Variants in PIM1 observed in about 807,000 individuals in gnomAD.
The protein encoded by PIM1 is Pim-1 proto-oncogene, serine/threonine kinase, also known as serine/threonine-protein kinase pim-1.
In PIM1, 9 loss-of-function variants were observed where a neutral mutation model predicts 34.5. The ratio of observed to expected loss-of-function variants is 0.26; its 90% CI spans 0.16 to 0.46. The LOEUF (loss-of-function observed/expected upper bound fraction) is 0.46. PIM1 is among the 20% of genes least tolerant of loss of function. The probability of loss-of-function intolerance (pLI) is 1.00; values close to 1 mark genes in which losing one functional copy is unlikely to be tolerated. For synonymous variants in PIM1, 199 were observed against 175.2 expected (o/e 1.14, Z -1.07); for missense variants, 274 against 410.9 (o/e 0.67, Z 2.88).
At chr6:37,171,522 G>A (rs1762285784) in intron 4 of PIM1, 31 bp downstream of exon 4, 6 of 1,606,580 alleles carry the variant, frequency 3.7e-6, no homozygotes, top group Non-Finnish European at 5.1e-6. Flanking sequence ...AGCTGCCCAG[G>A]TGACTCGGCC....
chr6:37,174,028 TCTC>T lies in PIM1; in HGVS notation c.882_884del (p.Leu295del), dbSNP rs777730711. 5.1e-5 allele frequency: 82 copies of T among 1,613,998 alleles called. No homozygotes were observed. Among genetic ancestry groups the T allele is most frequent in the Non-Finnish European group, 6.1e-5 (72 of 1,179,974 alleles). Reference sequence around the variant, plus strand: ...AGAACCATCCATGGATGCAAGATGTTCTCCTGCCCCAGGAAACTGCTGAGATCC... The same window carrying T: ...AGAACCATCCATGGATGCAAGATGTTCTGCCCCAGGAAACTGCTGAGATCC... On this transcript the variant is annotated inframe_deletion, in exon 6 of 6. Transcript: ENST00000373509.
At chr6:37,173,194 C>A in intron 5 of PIM1, 22 bp downstream of exon 5, 1 of 1,610,780 alleles carries the variant, frequency 6.2e-7, no homozygotes, top group Non-Finnish European at 8.5e-7. Flanking sequence ...AAACCCCTGG[C>A]CATGGGGTTA....
In PIM1 at chr6:37,170,875, T is replaced by C; in HGVS notation, c.185T>C (p.Leu62Ser). The C allele has an allele frequency of 6.2e-7, 1 of 1,612,440 alleles. No homozygotes were observed. The highest frequency in any genetic ancestry group is 8.5e-7 in the Non-Finnish European group (1 of 1,179,266). The change falls in exon 2 of 6, where the codon TTG (leucine) becomes TCG (serine). Residue 62 changes from leucine to serine, a missense_variant. By Grantham distance (145) the Leu-to-Ser change is moderately radical. Transcript: ENST00000373509. ...TCAGGCATCCGCGTCTCCGACAACT[T>C]GCCGGTGAGTGGGCGCCCCGCGGTG... is the stretch of plus-strand genomic sequence containing the variant. ...VYSGIRVSDN[L>S]PVAIKHVEKD... is the part of the protein sequence containing the mutation.
rs1211649501 is a variant in PIM1 at position 37,174,314 on chromosome 6, T to C, written c.*223T>C. 5 of 336,588 alleles carry C rather than the reference T, an allele frequency of 1.5e-5. No individual in the cohort carries two copies. The highest frequency in any genetic ancestry group is 2.7e-5 in the Non-Finnish European group (5 of 185,122). 20.9% of individuals were successfully genotyped at this position (336,588 alleles called of 1,614,324 possible). A position where few individuals can be genotyped will look rare whatever the true frequency, so the allele number is the denominator to read the frequency against. ...GGGTCCTAGGCCTCAACTCCTCCCA[T>C]AGATACTCTCTTCTTCTCATAGGTG... On this transcript the variant is annotated 3_prime_UTR_variant, in exon 6 of 6. Transcript: ENST00000373509.
At chr6:37,173,210 C>T (rs1762339781) in intron 5 of PIM1, 38 bp downstream of exon 5, 1 of 1,581,736 alleles carries the variant, frequency 6.3e-7, no homozygotes, top group Non-Finnish European at 8.7e-7. Flanking sequence ...GGTTATTGGT[C>T]TTAATGGGGC....
In PIM1 at chr6:37,171,027, AG is replaced by A; in HGVS notation, c.237del (p.Glu79AspfsTer15). 1 of 1,613,874 alleles carries A rather than the reference AG, an allele frequency of 6.2e-7. No homozygotes were observed. ...AAGGACCGGATTTCCGACTGGGGAG[AG>A]CTGGTGAGTGCCCTGCAGGAGCGAC... Reference protein sequence around the residue: ...VEKDRISDWGELPNGTRVPME... With the variant: ...VEKDRISDWGXLPNGTRVPME... On this transcript the variant is annotated frameshift_variant, in exon 3 of 6. Coordinates refer to ENST00000373509, the MANE Select transcript of PIM1 (RefSeq NM_002648.4). LOFTEE classifies it high-confidence loss of function.
chr6:37,173,431 CTT>C (rs1387721971), intron 5 of PIM1, among the ~76,000 whole-genome samples: 1 of 152,206 alleles, frequency 6.6e-6, no homozygotes, highest in Non-Finnish European at 1.5e-5. Context: ...TCTCCAAAAA[CTT>C]TTTTAAAGGT....
chr6:37,171,482 G>T lies in PIM1; in HGVS notation c.598G>T (p.Asp200Tyr). ...GALLKDTVYT[D>Y]FDGTRVYSPP... ...GCTGCTCAAGGACACCGTCTACACG[G>T]ACTTCGATGGTGAGCCAGGCCCGGG... The change falls in exon 4 of 6, where the codon GAC (aspartate) becomes TAC (tyrosine). Residue 200 changes from aspartate to tyrosine, a missense_variant. By Grantham distance (160) the Asp-to-Tyr change is radical. This residue lies in a region of PIM1 where 168 missense variants were observed against 299.4 expected (regional missense o/e 0.56). Transcript: ENST00000373509. The T allele has an allele frequency of 6.2e-7, 1 of 1,613,290 alleles. No individual in the cohort carries two copies. The highest frequency in any genetic ancestry group is 8.5e-7 in the Non-Finnish European group (1 of 1,179,910).
Position 37,170,263 on chromosome 6 carries a change from G to C in PIM1, c.-313G>C. On this transcript the variant is annotated 5_prime_UTR_variant, in exon 1 of 6. Transcript: ENST00000373509. ...GGCGGGACCGGCAGCAGCAGCAGCA[G>C]CAGCAGCAGCAGCAACCACTAGCCT... 7.4e-7 allele frequency: 1 copy of C among 1,349,872 alleles called. No homozygotes were observed. Among genetic ancestry groups the C allele is most frequent in the Non-Finnish European group, 9.5e-7 (1 of 1,050,320 alleles). The allele number at this position is 1,349,872 out of a possible 1,614,324, so 83.6% of individuals were successfully genotyped here. A position where few individuals can be genotyped will look rare whatever the true frequency, so the allele number is the denominator to read the frequency against.
In PIM1 at chr6:37,170,435, A is replaced by T; in HGVS notation, c.-141A>T. On this transcript the variant is annotated 5_prime_UTR_variant, in exon 1 of 6. Coordinates refer to ENST00000373509, the MANE Select transcript of PIM1 (RefSeq NM_002648.4). The stretch of plus-strand genomic sequence containing the variant: ...CGACTCGCCCTCGGCCTTCCGCGCC[A>T]GCCGCAGCCACAGCCGCAACGCCAC... 1 of 1,538,480 alleles carries T rather than the reference A, an allele frequency of 6.5e-7. No homozygotes were observed. Among genetic ancestry groups the T allele is most frequent in the Non-Finnish European group, 8.7e-7 (1 of 1,147,886 alleles).
chr6:37,170,157 T>A lies in PIM1; in HGVS notation c.-419T>A. 1 of 846,614 alleles carries A rather than the reference T, an allele frequency of 1.2e-6. No individual in the cohort carries two copies. The highest frequency in any genetic ancestry group is 1.5e-6 in the Non-Finnish European group (1 of 674,986). 52.4% of individuals were successfully genotyped at this position (846,614 alleles called of 1,614,324 possible). A position where few individuals can be genotyped will look rare whatever the true frequency, so the allele number is the denominator to read the frequency against. ...CCGGCGCGCTCCTCCCCTTTACTCCTGGCTGCGGGGCGAGCCGGGCGTCTG... is the reference window on the plus strand; with the variant it reads ...CCGGCGCGCTCCTCCCCTTTACTCCAGGCTGCGGGGCGAGCCGGGCGTCTG... On this transcript the variant is annotated 5_prime_UTR_variant, in exon 1 of 6. Coordinates refer to ENST00000373509, the MANE Select transcript of PIM1 (RefSeq NM_002648.4).
Position 37,175,390 on chromosome 6 carries a change from T to A in PIM1, c.*1299T>A, listed in dbSNP as rs1762391637. On this transcript the variant is annotated 3_prime_UTR_variant, in exon 6 of 6. Coordinates refer to ENST00000373509, the MANE Select transcript of PIM1 (RefSeq NM_002648.4). ...ATAAAAGAGATCTTATTTTTTTTTT[T>A]ATACTTGGCGTTTTTTGAATAAAAA... is the stretch of plus-strand genomic sequence containing the variant. 1 of 231,166 alleles carries A rather than the reference T, an allele frequency of 4.3e-6. No individual in the cohort carries two copies. The highest frequency in any genetic ancestry group is 8.6e-6 in the Non-Finnish European group (1 of 116,544). The allele number at this position is 231,166 out of a possible 1,614,324, so 14.3% of individuals were successfully genotyped here. A position where few individuals can be genotyped will look rare whatever the true frequency, so the allele number is the denominator to read the frequency against.
At chr6:37,171,621 G>A (rs937356119) in intron 4 of PIM1, 130 bp downstream of exon 4, 113 of 1,167,772 alleles carry the variant, frequency 9.7e-5, no homozygotes, top group Non-Finnish European at 1.2e-4. Context: ...TGCTAGCCGG[G>A]GTGGGACGCA....
chr6:37,170,902 G>A (rs1326859020), intron 2 of PIM1, 23 bp downstream of exon 2: 1 of 1,612,176 alleles, frequency 6.2e-7, no homozygotes, highest in Non-Finnish European at 8.5e-7. Context: ...CCCGCGGTGG[G>A]GAGGGCGCGC....
Position 37,170,332 on chromosome 6 carries a change from C to A in PIM1, c.-244C>A. On this transcript the variant is annotated 5_prime_UTR_variant, in exon 1 of 6. Transcript: ENST00000373509. ...CGCACGAGCCCCACGAGCCGCTCAC[C>A]CCGCCGTTCTCAGCGCTGCCCGACC... 1 of 1,490,248 alleles carries A rather than the reference C, an allele frequency of 6.7e-7. No individual in the cohort carries two copies. The highest frequency in any genetic ancestry group is 2.8e-5 in the East Asian group (1 of 35,964). The allele number at this position is 1,490,248 out of a possible 1,614,324, so 92.3% of individuals were successfully genotyped here.
chr6:37,170,732 C>T (rs759868753), intron 1 of PIM1, 41 bp from the exon 2 acceptor site: 180 of 1,604,916 alleles, frequency 1.1e-4, no homozygotes, highest in Middle Eastern at 5.0e-4. Flanking sequence ...GCTGGCGGCT[C>T]GCGGGCCGGC....
Position 37,170,379 on chromosome 6 carries a change from G to T in PIM1, c.-197G>T, listed in dbSNP as rs1056120294. ...GACCCCGCTGGCGCGCCCTCCCGCC[G>T]CCAGTCCCGGCAGCGCCCTCAGTTG... On this transcript the variant is annotated 5_prime_UTR_variant, in exon 1 of 6. Coordinates refer to ENST00000373509, the MANE Select transcript of PIM1 (RefSeq NM_002648.4). 3.0e-5 allele frequency: 45 copies of T among 1,521,382 alleles called. No homozygotes were observed. The highest frequency in any genetic ancestry group is 3.7e-5 in the Non-Finnish European group (42 of 1,140,462). The allele number at this position is 1,521,382 out of a possible 1,614,324, so 94.2% of individuals were successfully genotyped here. A position where few individuals can be genotyped will look rare whatever the true frequency, so the allele number is the denominator to read the frequency against.
rs1207184678 is a variant in PIM1 at position 37,170,210 on chromosome 6, C to T, written c.-366C>T. ...GCAGCGGCCGCGGTGGCTGAGGAGG[C>T]CCGAGAGGAGTCGGTGGCAGCGGCG... is the stretch of plus-strand genomic sequence containing the variant. On this transcript the variant is annotated 5_prime_UTR_variant, in exon 1 of 6. Coordinates refer to ENST00000373509, the MANE Select transcript of PIM1 (RefSeq NM_002648.4). 5.6e-6 allele frequency: 7 copies of T among 1,244,038 alleles called. No homozygotes were observed. The highest frequency in any genetic ancestry group is 7.1e-6 in the Non-Finnish European group (7 of 984,644). 77.1% of individuals were successfully genotyped at this position (1,244,038 alleles called of 1,614,324 possible). A position where few individuals can be genotyped will look rare whatever the true frequency, so the allele number is the denominator to read the frequency against.
At position 37,174,012 on chromosome 6, in the gene PIM1, C is replaced by G. The variant is rs1238113576; in HGVS notation, c.863C>G (p.Pro288Arg). ...RPTFEEIQNHPWMQDVLLPQE... is the reference protein window; with the variant it reads ...RPTFEEIQNHRWMQDVLLPQE... ...ACCTTCGAAGAAATCCAGAACCATCCATGGATGCAAGATGTTCTCCTGCCC... is the reference window on the plus strand; with the variant it reads ...ACCTTCGAAGAAATCCAGAACCATCGATGGATGCAAGATGTTCTCCTGCCC... The change falls in exon 6 of 6, where the codon CCA becomes CGA. Residue 288 changes from proline to arginine, a missense_variant. By Grantham distance (103) the Pro-to-Arg change is moderately radical. Coordinates refer to ENST00000373509, the MANE Select transcript of PIM1 (RefSeq NM_002648.4). 2 of 1,614,064 alleles carry G rather than the reference C, an allele frequency of 1.2e-6. No homozygotes were observed. Among genetic ancestry groups the G allele is most frequent in the Non-Finnish European group, 1.7e-6 (2 of 1,179,944 alleles).
Sources: allele counts gnomAD v4.1 joint callset (sites outside exome capture counted in the v4.1 genomes callset), GRCh38; gene constraint gnomAD v4.1.1; regional missense constraint gnomAD v4.1.1; transcripts MANE v1.5; gene names NCBI Gene and HGNC (gene_info 2026-07-23, HGNC 2026-07-21).